PDCL3: variants seen among roughly 807,000 people sequenced by gnomAD.
PDCL3 encodes the protein phosducin like 3, also known as phosducin-like protein 3.
Under a neutral mutation model 26.5 loss-of-function variants are expected in PDCL3, and 22 were observed. The ratio of observed to expected loss-of-function variants is 0.83; its 90% CI spans 0.59 to 1.19. PDCL3 has a LOEUF of 1.19. Among genes scored for constraint, PDCL3 ranks in the 50% most tolerant of loss-of-function variants. The probability of loss-of-function intolerance (pLI) is 0.00; values close to 1 mark genes in which losing one functional copy is unlikely to be tolerated. For synonymous variants in PDCL3, 81 were observed against 104.9 expected, an observed-to-expected ratio of 0.77 and a Z score of 1.39; for missense variants, 246 against 294.1, an observed-to-expected ratio of 0.84 and a Z score of 1.20.
intron 5 of PDCL3, among the ~76,000 whole-genome samples, chr2:100,572,551 C>T (rs1340123520): frequency 6.3e-5 from 9 of 143,868 alleles, no homozygotes; most frequent in South Asian, 2.2e-4. Flanking sequence ...GAGTTTCACT[C>T]TTCTTGCCCA....
intron 5 of PDCL3, among the ~76,000 whole-genome samples, chr2:100,575,426 C>A (rs149065981): frequency 1.3e-5 from 2 of 152,170 alleles, no homozygotes; most frequent in Admixed American, 6.6e-5. Flanking sequence ...TGTGCCACCG[C>A]GCCCGGCCTG....
intron 2 of PDCL3, among the ~76,000 whole-genome samples, chr2:100,567,923 A>G (rs1675089496): frequency 6.6e-6 from 1 of 152,024 alleles, no homozygotes; most frequent in Non-Finnish European, 1.5e-5. Context: ...CCCAGGTTCA[A>G]GCGATTCTCC....
At chr2:100,575,341 T>C (rs903318110) in intron 5 of PDCL3, among the ~76,000 whole-genome samples, 1 of 152,184 alleles carries the variant, frequency 6.6e-6, no homozygotes, top group Non-Finnish European at 1.5e-5. Context: ...TTCACCGTGT[T>C]AGCCAGGATG....
intron 2 of PDCL3, 120 bp from the exon 3 acceptor site, chr2:100,568,811 G>A (rs575369242): frequency 2.9e-4 from 218 of 755,064 alleles, no homozygotes; most frequent in Non-Finnish European, 4.4e-4. Flanking sequence ...TTTTGTTTAG[G>A]TAGGCTAAGG....
rs1244645476 is a variant in PDCL3, at chr2:100,562,997, G to T, written c.-71G>T. 6 of 1,563,810 alleles carry T rather than the reference G, an allele frequency of 3.8e-6. No individual in the cohort carries two copies. The highest frequency in any genetic ancestry group is 4.3e-6 in the Non-Finnish European group (5 of 1,154,206). On this transcript the variant is annotated 5_prime_UTR_variant, in exon 1 of 6. Transcript: ENST00000264254. ...GAAGAGGCGTGGCGGCGCTGTGCGC[G>T]TGCACAAAAGAGAGCTGAGGGGCGG...
rs181560909 is a variant in PDCL3 at position 100,575,320 on chromosome 2, A to C, written c.578-1034A>C. Among the ~76,000 whole-genome samples, 32 of 152,230 alleles carry C rather than the reference A, an allele frequency of 2.1e-4. No homozygotes were observed. The East Asian group carries it at 3.7e-3, about 18-fold the overall frequency. ...CTGGCTAATTTTTTGTATTTTTAGT[A>C]GAGACGGGGTTTCACCGTGTTAGCC... On this transcript the variant is annotated intron_variant, in intron 5 of 5. Coordinates refer to ENST00000264254, the MANE Select transcript of PDCL3 (RefSeq NM_024065.5).
intron 1 of PDCL3, chr2:100,563,469 G>C: frequency 5.7e-6 from 1 of 174,682 alleles, no homozygotes; most frequent in Middle Eastern, 2.4e-3. Flanking sequence ...CGCACGTAAA[G>C]CAGCGCCACA....
At chr2:100,567,701 C>T (rs1009187110) in intron 2 of PDCL3, among the ~76,000 whole-genome samples, 3 of 152,022 alleles carry the variant, frequency 2.0e-5, no homozygotes, top group African/African-American at 7.3e-5. Flanking sequence ...GAGCTGGAGG[C>T]GCTGGGGGAG....
chr2:100,570,718 C>T (rs1252570124), intron 4 of PDCL3, among the ~76,000 whole-genome samples: 1 of 151,766 alleles, frequency 6.6e-6, no homozygotes, highest in African/African-American at 2.4e-5. Flanking sequence ...CCTCATGATC[C>T]ACTCATCTTG....
intron 1 of PDCL3, 109 bp downstream of exon 1, chr2:100,563,182 C>T (rs1674984073): frequency 2.7e-5 from 38 of 1,389,402 alleles, no homozygotes; most frequent in Non-Finnish European, 3.6e-5. Context: ...GCGCCGCAGG[C>T]ACGAGGGAGG....
Position 100,563,014 on chromosome 2 carries a change from G to A in PDCL3, c.-54G>A. On this transcript the variant is annotated 5_prime_UTR_variant, in exon 1 of 6. Transcript: ENST00000264254. ...CTGTGCGCGTGCACAAAAGAGAGCT[G>A]AGGGGCGGGGGCGCTGCGGCACAGC... The A allele has an allele frequency of 5.1e-6, 8 of 1,581,658 alleles. No individual in the cohort carries two copies. The highest frequency in any genetic ancestry group is 6.9e-6 in the Non-Finnish European group (8 of 1,164,544).
chr2:100,574,861 G>A (rs1675249056), intron 5 of PDCL3, among the ~76,000 whole-genome samples: 1 of 152,148 alleles, frequency 6.6e-6, no homozygotes. Flanking sequence ...TAGCATGTTG[G>A]GAAGCTAAGG....
At chr2:100,565,053 C>G (rs1675033723) in intron 1 of PDCL3, among the ~76,000 whole-genome samples, 1 of 152,208 alleles carries the variant, frequency 6.6e-6, no homozygotes, top group East Asian at 1.9e-4. Flanking sequence ...GTCACAGTCT[C>G]TTTGCTCTTG....
chr2:100,566,711 G>T (rs1675068850), intron 2 of PDCL3, 82 bp downstream of exon 2: 2 of 1,573,762 alleles, frequency 1.3e-6, no homozygotes, highest in African/African-American at 2.7e-5. Context: ...CAGGAGACAG[G>T]TTGGAGTGCC....
At position 100,576,474 on chromosome 2, in the gene PDCL3, A is replaced by G. The variant is rs774014971; in HGVS notation, c.698A>G (p.Asp233Gly). 1.4e-5 allele frequency: 23 copies of G among 1,608,264 alleles called. No homozygotes were observed. The highest frequency in any genetic ancestry group is 1.8e-5 in the Non-Finnish European group (21 of 1,177,396). Residue 233 changes from aspartate to glycine, a missense_variant, in exon 6 of 6, where the codon GAC becomes GGC. Physicochemically the swap from Asp to Gly is moderately conservative, Grantham distance 94. Transcript: ENST00000264254. ...SVRRSVLMKR[D>G]SDSEGD ...CGGCGCTCTGTCCTCATGAAGAGGG[A>G]CAGCGATTCCGAGGGTGACTGAGGC...
chr2:100,565,398 C>T (rs1011197304), intron 1 of PDCL3, among the ~76,000 whole-genome samples: 15 of 151,988 alleles, frequency 9.9e-5, no homozygotes, highest in African/African-American at 3.6e-4. Context: ...CCTCAGCCTC[C>T]CGAGTAGCTG....
intron 2 of PDCL3, among the ~76,000 whole-genome samples, chr2:100,568,142 A>G (rs950742503): frequency 1.4e-4 from 22 of 152,330 alleles, no homozygotes; most frequent in African/African-American, 4.8e-4. Context: ...GGAGATCCCT[A>G]TTAGACAAAT....
intron 2 of PDCL3, 32 bp downstream of exon 2, chr2:100,566,661 T>TG: frequency 1.2e-6 from 2 of 1,611,950 alleles, no homozygotes; most frequent in Non-Finnish European, 1.7e-6. Context: ...TGCACCTGTC[T>TG]GGGTTAGGAG....
At chr2:100,572,803 G>A (rs562207844) in intron 5 of PDCL3, among the ~76,000 whole-genome samples, 103 of 152,306 alleles carry the variant, frequency 6.8e-4, no homozygotes, top group African/African-American at 2.3e-3. Flanking sequence ...ACAGGCGTGA[G>A]CCACTGCGCC....
Sources: gnomAD v4.1 joint callset for allele counts (sites outside exome capture counted in the v4.1 genomes callset) on GRCh38, gnomAD v4.1.1 for gene constraint, MANE v1.5 for transcripts, NCBI Gene and HGNC (gene_info 2026-07-23, HGNC 2026-07-21) for gene names.